The following SYN3 variants were observed in gnomAD, a reference collection of about 807,000 sequenced individuals.
The protein encoded by SYN3 is synapsin III.
In SYN3, 35 loss-of-function variants were observed where a neutral mutation model predicts 65.8. That is an observed-to-expected ratio of 0.53 (90% CI 0.41 to 0.70). The LOEUF is 0.70. Among genes scored for constraint, SYN3 ranks in the 30% least tolerant of loss-of-function variants. The pLI is 0.00. For synonymous variants in SYN3, 270 were observed against 292.9 expected (o/e 0.92, Z 0.80); for missense variants, 680 against 749.0 (o/e 0.91, Z 1.08).
chr22:32,850,043 C>T (rs906664848), intron 6 of SYN3, among the ~76,000 whole-genome samples: 1 of 150,956 alleles, frequency 6.6e-6, no homozygotes, highest in African/African-American at 2.4e-5. Flanking sequence ...GGAACCTCAT[C>T]CCAAGGCAGG....
At chr22:32,627,410 T>TA (rs1251368246) in intron 6 of SYN3, among the ~76,000 whole-genome samples, 1 of 152,068 alleles carries the variant, frequency 6.6e-6, no homozygotes, top group African/African-American at 2.4e-5. Flanking sequence ...CCTCTACACT[T>TA]ATGCACACCT....
chr22:33,036,656 T>A (rs1003690661), intron 1 of SYN3, among the ~76,000 whole-genome samples: 5 of 150,564 alleles, frequency 3.3e-5, no homozygotes, highest in African/African-American at 1.2e-4. Flanking sequence ...AAAATTTTTT[T>A]AAATGCTGTA....
At chr22:33,011,640 G>A (rs1464057498) in intron 1 of SYN3, among the ~76,000 whole-genome samples, 1 of 152,140 alleles carries the variant, frequency 6.6e-6, no homozygotes, top group Non-Finnish European at 1.5e-5. Flanking sequence ...AAGAGTCTGT[G>A]TAATATTGTG....
intron 4 of SYN3, among the ~76,000 whole-genome samples, chr22:32,929,196 T>C (rs1302284561): frequency 6.6e-6 from 1 of 152,076 alleles, no homozygotes; most frequent in Non-Finnish European, 1.5e-5. Context: ...GCAGAAGAAT[T>C]GCTTGAACCT....
chr22:33,007,151 A>T (rs2053218882), intron 1 of SYN3, among the ~76,000 whole-genome samples: 1 of 152,236 alleles, frequency 6.6e-6, no homozygotes, highest in Admixed American at 6.5e-5. Flanking sequence ...CAGCACAGTT[A>T]CTCAATGAAC....
chr22:33,017,776 A>G (rs1348737410), intron 1 of SYN3, among the ~76,000 whole-genome samples: 1 of 131,216 alleles, frequency 7.6e-6, no homozygotes, highest in Non-Finnish European at 1.6e-5. Flanking sequence ...TTTTTTTTGT[A>G]GAATCTTTAG....
intron 6 of SYN3, among the ~76,000 whole-genome samples, chr22:32,644,299 G>A (rs1389215176): frequency 6.6e-6 from 1 of 152,048 alleles, no homozygotes; most frequent in Admixed American, 6.5e-5. Flanking sequence ...AGACATATAA[G>A]CAGATAGTCA....
chr22:32,966,431 GGGA>G (rs1407975770), intron 3 of SYN3, among the ~76,000 whole-genome samples: 1 of 152,180 alleles, frequency 6.6e-6, no homozygotes, highest in Non-Finnish European at 1.5e-5. Flanking sequence ...GGTAGAGCAC[GGGA>G]GGAGATGAGC....
chr22:32,795,070 T>A (rs1000035223), intron 6 of SYN3, among the ~76,000 whole-genome samples: 2 of 152,222 alleles, frequency 1.3e-5, no homozygotes, highest in African/African-American at 4.8e-5. Context: ...CTCCTCCAGC[T>A]GTGGACCGTG....
At chr22:33,043,879 AC>A (rs1167316626) in intron 1 of SYN3, among the ~76,000 whole-genome samples, 4 of 151,936 alleles carry the variant, frequency 2.6e-5, no homozygotes, top group African/African-American at 7.3e-5. Flanking sequence ...ATGGTGAAAC[AC>A]CGTTTCTACT....
chr22:32,533,737 C>G, intron 10 of SYN3, 56 bp downstream of exon 10: 3 of 1,285,154 alleles, frequency 2.3e-6, no homozygotes, highest in Non-Finnish European at 3.4e-6. Flanking sequence ...ATTCCCTCCC[C>G]CTGGCACGCC....
chr22:32,899,382 G>A (rs771933488), intron 4 of SYN3, among the ~76,000 whole-genome samples: 2 of 152,162 alleles, frequency 1.3e-5, no homozygotes, highest in Admixed American at 6.5e-5. Context: ...TTTTGAAATG[G>A]GGTTTAGGAG....
At chr22:32,881,530 G>A (rs757146201) in intron 4 of SYN3, among the ~76,000 whole-genome samples, 1 of 152,060 alleles carries the variant, frequency 6.6e-6, no homozygotes, top group Non-Finnish European at 1.5e-5. Flanking sequence ...GATGCTAAAC[G>A]CTCCTGCCTG....
Position 32,731,086 on chromosome 22 carries a change from A to G in SYN3, c.711+133829T>C, listed in dbSNP as rs541907773. On this transcript the variant is annotated intron_variant, in intron 6 of 13. Transcript: ENST00000358763. ...ACCTGGCTGGCCTATGAGCTCCACAACAGCAGGACATATCTGCCTCATCCA... is the reference window on the plus strand; with the variant it reads ...ACCTGGCTGGCCTATGAGCTCCACAGCAGCAGGACATATCTGCCTCATCCA... Among the ~76,000 whole-genome samples, 345 of 152,304 alleles carry G rather than the reference A, an allele frequency of 2.3e-3. 7 individuals are homozygous for G. The highest frequency in any genetic ancestry group is 3.1e-3 in the Non-Finnish European group (210 of 68,016).
chr22:32,881,578 C>T (rs1218322567), intron 4 of SYN3, among the ~76,000 whole-genome samples: 1 of 152,234 alleles, frequency 6.6e-6, no homozygotes, highest in Non-Finnish European at 1.5e-5. Flanking sequence ...GCCCCCAGAG[C>T]ACCCAGGTGG....
intron 6 of SYN3, among the ~76,000 whole-genome samples, chr22:32,694,342 A>C (rs2060707641): frequency 6.6e-6 from 1 of 152,138 alleles, no homozygotes; most frequent in Non-Finnish European, 1.5e-5. Context: ...GTGGTTTAGG[A>C]TATTTACCTT....
chr22:32,717,461 T>C (rs1477943107), intron 6 of SYN3, among the ~76,000 whole-genome samples: 1 of 152,128 alleles, frequency 6.6e-6, no homozygotes, highest in Non-Finnish European at 1.5e-5. Flanking sequence ...GGGCTGTGCA[T>C]GTGGCTGGAA....
chr22:33,023,847 T>C (rs576916894), intron 1 of SYN3, among the ~76,000 whole-genome samples: 70 of 152,296 alleles, frequency 4.6e-4, no homozygotes, highest in Non-Finnish European at 8.4e-4. Context: ...TTTCAATGAT[T>C]TTTAGCAATA....
chr22:32,665,667 C>T (rs1601872835), intron 6 of SYN3, among the ~76,000 whole-genome samples: 1 of 152,064 alleles, frequency 6.6e-6, no homozygotes, highest in East Asian at 1.9e-4. Flanking sequence ...AGGACCCAAC[C>T]TCCTACCTTG....
Sources: allele counts gnomAD v4.1 joint callset (sites outside exome capture counted in the v4.1 genomes callset), GRCh38; gene constraint gnomAD v4.1.1; transcripts MANE v1.5; gene names NCBI Gene and HGNC (gene_info 2026-07-23, HGNC 2026-07-21).